SLC5A12: variants seen among roughly 807,000 people sequenced by gnomAD.
The protein encoded by SLC5A12 is solute carrier family 5 member 12, also known as sodium-coupled monocarboxylate transporter 2.
A neutral mutation model predicts 72.7 loss-of-function variants in SLC5A12; 46 were observed. That is an observed-to-expected ratio of 0.63 (90% CI 0.50 to 0.81). SLC5A12 has a LOEUF of 0.81. Ranked by LOEUF, SLC5A12 falls within the 30% of genes least tolerant of loss-of-function variation. The pLI is 0.00. For synonymous variants in SLC5A12, 275 were observed against 264.4 expected, an observed-to-expected ratio of 1.04 and a Z score of -0.39; for missense variants, 683 against 740.7, an observed-to-expected ratio of 0.92 and a Z score of 0.90.
intron 1 of SLC5A12, among the ~76,000 whole-genome samples, chr11:26,716,679 T>C (rs570993284): frequency 1.3e-5 from 2 of 152,188 alleles, no homozygotes; most frequent in East Asian, 3.9e-4. Context: ...AGAGCCAGCC[T>C]TTACTCCTCT....
At chr11:26,692,634 A>C (rs1324784234) in intron 8 of SLC5A12, 33 bp from the exon 9 acceptor site, 1 of 1,507,182 alleles carries the variant, frequency 6.6e-7, no homozygotes, top group Non-Finnish European at 9.2e-7. Context: ...ACATGGTCTA[A>C]GCTATATAAG....
At chr11:26,723,046 T>C (rs1565207953), upstream of SLC5A12, among the ~76,000 whole-genome samples, 1 of 151,804 alleles carries the variant, frequency 6.6e-6, no homozygotes, top group Non-Finnish European at 1.5e-5. Flanking sequence ...GACATTTCCT[T>C]GAAGACAGAA....
chr11:26,675,207 G>T (rs1458347452), intron 13 of SLC5A12, among the ~76,000 whole-genome samples: 1 of 151,984 alleles, frequency 6.6e-6, no homozygotes, highest in African/African-American at 2.4e-5. Flanking sequence ...TAGATCTATT[G>T]TCTCTTAAGA....
At chr11:26,685,044 A>T (rs1350094556) in intron 10 of SLC5A12, among the ~76,000 whole-genome samples, 1 of 152,222 alleles carries the variant, frequency 6.6e-6, no homozygotes, top group Non-Finnish European at 1.5e-5. Flanking sequence ...AACAGTAGTT[A>T]ATGGCCTATT....
At chr11:26,694,447 G>C (rs1483865574) in intron 8 of SLC5A12, among the ~76,000 whole-genome samples, 1 of 152,152 alleles carries the variant, frequency 6.6e-6, no homozygotes, top group Non-Finnish European at 1.5e-5. Context: ...AAAGCATGTA[G>C]AGAGGGACGA....
At chr11:26,691,295 T>C (rs147597484) in intron 9 of SLC5A12, among the ~76,000 whole-genome samples, 12 of 152,262 alleles carry the variant, frequency 7.9e-5, no homozygotes, top group Non-Finnish European at 1.5e-4. Context: ...AAAATATATA[T>C]CAACACTCAC....
chr11:26,698,508 G>C lies in SLC5A12; in HGVS notation c.849C>G (p.Leu283=), dbSNP rs746387804. The C allele has an allele frequency of 1.9e-6, 3 of 1,613,882 alleles. No homozygotes were observed. Among genetic ancestry groups the C allele is most frequent in the East Asian group, 2.2e-5 (1 of 44,864 alleles). Residue 283 remains leucine (L), a synonymous_variant, in exon 7 of 15, where the codon CTC becomes CTG. Transcript: ENST00000396005. Reference sequence around the variant, plus strand: ...AGACAGCACACACCAGAATGATCCAGAGACCCAGCAAGTTAAAATACAAGG... The same window carrying C: ...AGACAGCACACACCAGAATGATCCACAGACCCAGCAAGTTAAAATACAAGG... ...KLALYFNLLG[L]WIILVCAVFS...
At chr11:26,687,423 C>T (rs555445248) in intron 9 of SLC5A12, among the ~76,000 whole-genome samples, 1 of 152,176 alleles carries the variant, frequency 6.6e-6, no homozygotes, top group Non-Finnish European at 1.5e-5. Context: ...CTGTCAGCTA[C>T]ATATCCAACC....
At chr11:26,720,590 A>G (rs1184940894) in intron 1 of SLC5A12, among the ~76,000 whole-genome samples, 4 of 152,154 alleles carry the variant, frequency 2.6e-5, no homozygotes, top group Non-Finnish European at 5.9e-5. Flanking sequence ...GTCTCTTTTC[A>G]GTCTCCTGCA....
chr11:26,712,725 C>A lies in SLC5A12; in HGVS notation c.340-19G>T, dbSNP rs759273705. 47 of 1,562,996 alleles carry A rather than the reference C, an allele frequency of 3.0e-5. No homozygotes were observed. The highest frequency in any genetic ancestry group is 1.7e-5 in the Admixed American group (1 of 59,454). On this transcript the variant is annotated intron_variant, in intron 1 of 14. Transcript: ENST00000396005. The stretch of plus-strand genomic sequence containing the variant: ...GTAAGTACTAAAGGAAACAGAAAGA[C>A]ATGCAGAGTCAGTGAGGTTTAGATA...
In SLC5A12 at chr11:26,712,742, G is replaced by A. The variant is rs201141175; in HGVS notation, c.340-36C>T. 5.8e-5 allele frequency: 88 copies of A among 1,504,522 alleles called. No individual in the cohort carries two copies. The African/African-American group carries it at 9.8e-4, about 17-fold the overall frequency. The allele number at this position is 1,504,522 out of a possible 1,614,324, so 93.2% of individuals were successfully genotyped here. A position where few individuals can be genotyped will look rare whatever the true frequency, so the allele number is the denominator to read the frequency against. The stretch of plus-strand genomic sequence containing the variant: ...CAGAAAGACATGCAGAGTCAGTGAG[G>A]TTTAGATAAGAACTGCTAAGAAAGT... On this transcript the variant is annotated intron_variant, in intron 1 of 14. Coordinates refer to ENST00000396005, the MANE Select transcript of SLC5A12 (RefSeq NM_178498.4).
chr11:26,667,632 C>A lies in SLC5A12; in HGVS notation c.*3470G>T, dbSNP rs955804602. 6.6e-6 allele frequency: 1 copy of A among 151,688 alleles called. No homozygotes were observed. Among genetic ancestry groups the A allele is most frequent in the Non-Finnish European group, 1.5e-5 (1 of 67,860 alleles). The allele number at this position is 151,688 out of a possible 1,614,324, so 9.4% of individuals were successfully genotyped here. A position where few individuals can be genotyped will look rare whatever the true frequency, so the allele number is the denominator to read the frequency against. ...GTTTATTTATCAAGGTTTACATGTA[C>A]AAAATAATAATAAATCATAGTAATG... On this transcript the variant is annotated 3_prime_UTR_variant, in exon 15 of 15. Coordinates refer to ENST00000396005, the MANE Select transcript of SLC5A12 (RefSeq NM_178498.4).
rs1015094677 is a variant in SLC5A12, at chr11:26,669,772, C to G, written c.*1330G>C. Reference sequence around the variant, plus strand: ...ATATTTAAAGACAACCTTTGGATTTCCTTATCCTTGCCTATTTGGACCATT... The same window carrying G: ...ATATTTAAAGACAACCTTTGGATTTGCTTATCCTTGCCTATTTGGACCATT... On this transcript the variant is annotated 3_prime_UTR_variant, in exon 15 of 15. Coordinates refer to ENST00000396005, the MANE Select transcript of SLC5A12 (RefSeq NM_178498.4). The G allele has an allele frequency of 2.0e-5, 3 of 152,068 alleles. No individual in the cohort carries two copies. The highest frequency in any genetic ancestry group is 7.2e-5 in the African/African-American group (3 of 41,418). The allele number at this position is 152,068 out of a possible 1,614,324, so 9.4% of individuals were successfully genotyped here. A position where few individuals can be genotyped will look rare whatever the true frequency, so the allele number is the denominator to read the frequency against.
chr11:26,721,611 T>C lies in SLC5A12; in HGVS notation c.104A>G (p.Lys35Arg). The change falls in exon 1 of 15, where the codon AAG (lysine) becomes AGG (arginine). Residue 35 changes from lysine to arginine, a missense_variant. Lys to Arg is a conservative substitution (Grantham distance 26). Coordinates refer to ENST00000396005, the MANE Select transcript of SLC5A12 (RefSeq NM_178498.4). ...AACCAGGAACTCTCGGGAAGTTGCC[T>C]TTTTTCTCTCCTTAATGGCAAAGAA... ...GVFFAIKERKKATSREFLVGG... is the reference protein window; with the variant it reads ...GVFFAIKERKRATSREFLVGG... The C allele has an allele frequency of 6.2e-7, 1 of 1,614,082 alleles. No homozygotes were observed. The highest frequency in any genetic ancestry group is 8.5e-7 in the Non-Finnish European group (1 of 1,180,016).
chr11:26,686,694 C>T, intron 9 of SLC5A12, 150 bp from the exon 10 acceptor site: 1 of 643,898 alleles, frequency 1.6e-6, no homozygotes, highest in Non-Finnish European at 2.7e-6. Context: ...CCATCATCAG[C>T]CCCAAGAGAG....
intron 8 of SLC5A12, among the ~76,000 whole-genome samples, chr11:26,694,062 G>T (rs1160490823): frequency 6.6e-6 from 1 of 152,170 alleles, no homozygotes; most frequent in Non-Finnish European, 1.5e-5. Context: ...GGAGCAGAAA[G>T]TTGAATTTGG....
chr11:26,721,660 A>G lies in SLC5A12; in HGVS notation c.55T>C (p.Phe19Leu). The change falls in exon 1 of 15, where the codon TTC becomes CTC. Residue 19 changes from phenylalanine (F) to leucine (L), a missense_variant. Phe to Leu is a conservative substitution (Grantham distance 22). Coordinates refer to ENST00000396005, the MANE Select transcript of SLC5A12 (RefSeq NM_178498.4). ...AACACCCCAATTCCAGAGGAAATGA[A>G]AAAGAGGGCTGCAAATACAACATAA... The part of the protein sequence containing the change: ...WDYVVFAALF[F>L]ISSGIGVFFA... 6.2e-7 allele frequency: 1 copy of G among 1,614,204 alleles called. No individual in the cohort carries two copies. The highest frequency in any genetic ancestry group is 8.5e-7 in the Non-Finnish European group (1 of 1,180,040).
chr11:26,720,293 C>T (rs751796656), intron 1 of SLC5A12, among the ~76,000 whole-genome samples: 24 of 149,886 alleles, frequency 1.6e-4, no homozygotes, highest in East Asian at 5.9e-4. Flanking sequence ...AGTTTGAGAA[C>T]GGCCTGGGAA....
Position 26,669,135 on chromosome 11 carries a change from T to C in SLC5A12, c.*1967A>G, listed in dbSNP as rs1854067049. Reference sequence around the variant, plus strand: ...CATCCTCAGAATTGCTGTTTTTTTATTCTTTCTGTCTCTCTCTTCCTCTTC... The same window carrying C: ...CATCCTCAGAATTGCTGTTTTTTTACTCTTTCTGTCTCTCTCTTCCTCTTC... On this transcript the variant is annotated 3_prime_UTR_variant, in exon 15 of 15. Transcript: ENST00000396005. 7.2e-6 allele frequency: 1 copy of C among 139,412 alleles called. No homozygotes were observed. The highest frequency in any genetic ancestry group is 2.5e-5 in the African/African-American group (1 of 39,990). 8.6% of individuals were successfully genotyped at this position (139,412 alleles called of 1,614,324 possible). A position where few individuals can be genotyped will look rare whatever the true frequency, so the allele number is the denominator to read the frequency against.
Sources: gnomAD v4.1 joint callset for allele counts (sites outside exome capture counted in the v4.1 genomes callset) on GRCh38, gnomAD v4.1.1 for gene constraint, MANE v1.5 for transcripts, NCBI Gene and HGNC (gene_info 2026-07-23, HGNC 2026-07-21) for gene names.